The following SCFD2 variants were observed in gnomAD, a reference collection of about 807,000 sequenced individuals.
SCFD2 encodes the protein sec1 family domain containing 2, also known as sec1 family domain-containing protein 2.
A neutral mutation model predicts 58.9 loss-of-function variants in SCFD2; 54 were observed. The ratio of observed to expected loss-of-function variants is 0.92; its 90% CI spans 0.74 to 1.15. SCFD2 has a LOEUF of 1.15. SCFD2 is among the 50% of genes most tolerant of loss of function. The pLI is 0.00. For missense variants in SCFD2, 805 were observed against 836.6 expected, an observed-to-expected ratio of 0.96 and a Z score of 0.47; for synonymous variants, 321 against 335.9, an observed-to-expected ratio of 0.96 and a Z score of 0.49.
intron 5 of SCFD2, among the ~76,000 whole-genome samples, chr4:53,133,189 G>C (rs189957065): frequency 6.6e-6 from 1 of 151,950 alleles, no homozygotes; most frequent in Non-Finnish European, 1.5e-5. Context: ...TTAGCCGGGC[G>C]TGGTGGCGGG....
rs374342802 is a variant in SCFD2 at position 53,365,370 on chromosome 4, C to T, written c.572G>A (p.Arg191Gln). Residue 191 changes from arginine (R) to glutamine (Q), a missense_variant, in exon 1 of 9, where the codon CGA (arginine) becomes CAA (glutamine). By Grantham distance (43) the Arg-to-Gln change is conservative. This residue lies in a region of SCFD2 where 633 missense variants were observed against 646.8 expected (regional missense o/e 0.98). Transcript: ENST00000401642. The surrounding 1 kb of genome is among the most constrained non-coding windows in gnomAD (Gnocchi z 4.3). ...PQDVHLLNSARPDKRKLGSLG... is the reference protein window; with the variant it reads ...PQDVHLLNSAQPDKRKLGSLG... The stretch of plus-strand genomic sequence containing the variant: ...GCTTCCCAGCTTCCTCTTGTCCGGT[C>T]GGGCGCTATTAAGGAGGTGCACATC... The T allele has an allele frequency of 1.2e-5, 20 of 1,613,988 alleles. No homozygotes were observed. Among genetic ancestry groups the T allele is most frequent in the Non-Finnish European group, 1.7e-5 (20 of 1,180,022 alleles).
intron 4 of SCFD2, among the ~76,000 whole-genome samples, chr4:53,198,149 T>G (rs1439757463): frequency 6.6e-6 from 1 of 152,106 alleles, no homozygotes; most frequent in African/African-American, 2.4e-5. Context: ...TTCTCTTAAT[T>G]CTGGAAATAC....
At chr4:52,917,337 A>T (rs1719633148) in intron 6 of SCFD2, among the ~76,000 whole-genome samples, 1 of 152,200 alleles carries the variant, frequency 6.6e-6, no homozygotes, top group Non-Finnish European at 1.5e-5. Flanking sequence ...GCCCAAGGTC[A>T]CACAGTTAGT....
chr4:52,989,858 T>C (rs1440209022), intron 5 of SCFD2, among the ~76,000 whole-genome samples: 5 of 152,206 alleles, frequency 3.3e-5, no homozygotes, highest in African/African-American at 1.2e-4. Flanking sequence ...TACATGTTTC[T>C]AGTCCTGCTG....
chr4:53,015,266 A>G (rs1722184311), intron 5 of SCFD2, among the ~76,000 whole-genome samples: 1 of 152,184 alleles, frequency 6.6e-6, no homozygotes, highest in African/African-American at 2.4e-5. Flanking sequence ...TATGGATTTT[A>G]TTCTTCTGAT....
At chr4:53,097,533 T>G (rs2148872070) in intron 5 of SCFD2, among the ~76,000 whole-genome samples, 1 of 152,350 alleles carries the variant, frequency 6.6e-6, no homozygotes, top group East Asian at 1.9e-4. Flanking sequence ...TATTGGTGTA[T>G]AAGAATGCTT....
At chr4:53,178,607 G>A (rs1727428003) in intron 4 of SCFD2, among the ~76,000 whole-genome samples, 1 of 152,188 alleles carries the variant, frequency 6.6e-6, no homozygotes, top group Non-Finnish European at 1.5e-5. Context: ...CTCCTCCAAA[G>A]GAATGCAGCT....
chr4:52,997,719 T>C (rs534136518), intron 5 of SCFD2, among the ~76,000 whole-genome samples: 1 of 152,270 alleles, frequency 6.6e-6, no homozygotes, highest in East Asian at 1.9e-4. Flanking sequence ...GGCTTCTATA[T>C]GGTGTAACCC....
intron 2 of SCFD2, among the ~76,000 whole-genome samples, chr4:53,331,459 A>T (rs1465397164): frequency 6.6e-6 from 1 of 152,248 alleles, no homozygotes. Flanking sequence ...AAACCGCTCA[A>T]CTACATGGAA....
chr4:53,067,309 C>T (rs1240904134), intron 5 of SCFD2, among the ~76,000 whole-genome samples: 1 of 152,012 alleles, frequency 6.6e-6, no homozygotes, highest in Non-Finnish European at 1.5e-5. Context: ...CTGGGCCTCA[C>T]ACCTTTCTTT....
At chr4:53,164,804 A>AAGAAG (rs1553882342) in intron 4 of SCFD2, among the ~76,000 whole-genome samples, 9 of 143,890 alleles carry the variant, frequency 6.3e-5, no homozygotes, top group African/African-American at 1.1e-4. Context: ...AAAAAAAAAA[A>AAGAAG]AAGAAGAAGA....
At chr4:53,022,550 T>C (rs1722374527) in intron 5 of SCFD2, among the ~76,000 whole-genome samples, 1 of 152,170 alleles carries the variant, frequency 6.6e-6, no homozygotes, top group Non-Finnish European at 1.5e-5. Flanking sequence ...AAATGCCTAA[T>C]TGGGAGAATA....
chr4:53,214,444 T>A (rs1433987596), intron 4 of SCFD2, among the ~76,000 whole-genome samples: 5 of 152,158 alleles, frequency 3.3e-5, no homozygotes, highest in African/African-American at 1.2e-4. Flanking sequence ...TTTGTCTGCA[T>A]AAATGTCTTC....
At chr4:52,970,378 C>A (rs1721067293) in intron 5 of SCFD2, among the ~76,000 whole-genome samples, 1 of 152,244 alleles carries the variant, frequency 6.6e-6, no homozygotes, top group Non-Finnish European at 1.5e-5. Context: ...ATATCCTGTG[C>A]ATGGCTCAGA....
rs759850496 is a variant in SCFD2, at chr4:53,365,874, C to G, written c.68G>C (p.Arg23Pro). The G allele has an allele frequency of 1.9e-6, 3 of 1,609,008 alleles. No homozygotes were observed. The African/African-American group carries it at 4.0e-5, about 21-fold the overall frequency. Residue 23 changes from arginine (R) to proline (P), a missense_variant, in exon 1 of 9, where the codon CGG (arginine) becomes CCG (proline). This residue lies in a region of SCFD2 where 155 missense variants were observed against 149.7 expected (regional missense o/e 1.04). Transcript: ENST00000401642. The surrounding 1 kb of genome is among the most constrained non-coding windows in gnomAD (Gnocchi z 4.3). ...GWEQVLAKVK[R>P]AVVYLDAACA... ...GGCGGCGTCCAGGTAAACCACAGCC[C>G]GTTTCACTTTGGCCAGCACCTGCTC... is the stretch of plus-strand genomic sequence containing the variant.
At chr4:53,311,541 T>G (rs1732688762) in intron 3 of SCFD2, among the ~76,000 whole-genome samples, 2 of 152,186 alleles carry the variant, frequency 1.3e-5, no homozygotes, top group African/African-American at 2.4e-5. Flanking sequence ...AGAAACTGAT[T>G]TATGCTCTGT....
intron 4 of SCFD2, among the ~76,000 whole-genome samples, chr4:53,152,145 A>G (rs1402017010): frequency 6.6e-6 from 1 of 152,216 alleles, no homozygotes; most frequent in Non-Finnish European, 1.5e-5. Context: ...CATCTGATGT[A>G]ATTAACAAGG....
At chr4:53,204,057 C>T (rs1243494198) in intron 4 of SCFD2, among the ~76,000 whole-genome samples, 7 of 152,048 alleles carry the variant, frequency 4.6e-5, no homozygotes, top group Non-Finnish European at 8.8e-5. Flanking sequence ...GAAAGGTACT[C>T]TTTGTGGGAA....
intron 5 of SCFD2, among the ~76,000 whole-genome samples, chr4:53,086,660 G>A (rs1724313568): frequency 6.6e-6 from 1 of 152,176 alleles, no homozygotes; most frequent in Admixed American, 6.5e-5. Context: ...ACTGGATAAA[G>A]CAAATGTGGC....
Sources: gnomAD v4.1 joint callset for allele counts (sites outside exome capture counted in the v4.1 genomes callset) on GRCh38, gnomAD v4.1.1 for gene constraint, gnomAD v4.1.1 regional missense constraint, Gnocchi (gnomAD v3.1) non-coding constraint, MANE v1.5 for transcripts, NCBI Gene and HGNC (gene_info 2026-07-23, HGNC 2026-07-21) for gene names.